The following RGSL1 variants were observed in gnomAD, a reference collection of about 807,000 sequenced individuals.
RGSL1 encodes the protein regulator of G protein signaling like 1, also known as regulator of G protein signaling protein-like.
Under a neutral mutation model 124.7 loss-of-function variants are expected in RGSL1, and 97 were observed. The observed-to-expected ratio is 0.78, with a 90% confidence interval of 0.66 to 0.92. The LOEUF is 0.92. RGSL1 is among the 40% of genes least tolerant of loss of function. The pLI is 0.00. For missense variants in RGSL1, 1,233 were observed against 1,288.4 expected (o/e 0.96, Z 0.66); for synonymous variants, 424 against 438.1 (o/e 0.97, Z 0.40).
At chr1:182,483,399 C>T (rs1435110945) in intron 6 of RGSL1, among the ~76,000 whole-genome samples, 1 of 152,044 alleles carries the variant, frequency 6.6e-6, no homozygotes, top group Non-Finnish European at 1.5e-5. Flanking sequence ...TAAATTTCTA[C>T]AGGTTTTTGT....
chr1:182,540,380 C>A lies in RGSL1; in HGVS notation c.2628C>A (p.Asn876Lys), dbSNP rs1267631413. Residue 876 changes from asparagine (N) to lysine (K), a missense_variant, in exon 15 of 22, where the codon AAC becomes AAA. Coordinates refer to ENST00000294854, the MANE Select transcript of RGSL1 (RefSeq NM_001137669.2). The part of the protein sequence containing the change: ...RIFGHRIITV[N>K]FAINDLYFFS... ...TTGGCCACAGGATTATCACTGTCAA[C>A]TTTGCGATCAATGATCTATATTTCT... The A allele has an allele frequency of 2.6e-6, 4 of 1,551,116 alleles. No homozygotes were observed. The highest frequency in any genetic ancestry group is 1.2e-5 in the South Asian group (1 of 83,994).
At chr1:182,455,236 G>A (rs1298698647) in intron 2 of RGSL1, among the ~76,000 whole-genome samples, 1 of 152,182 alleles carries the variant, frequency 6.6e-6, no homozygotes, top group African/African-American at 2.4e-5. Context: ...AAGACAAGGA[G>A]GTACTTGACA....
At chr1:182,518,830 AT>A (rs1256813393) in intron 9 of RGSL1, among the ~76,000 whole-genome samples, 2 of 144,830 alleles carry the variant, frequency 1.4e-5, no homozygotes, top group East Asian at 4.5e-4. Context: ...GTTCCAGGAT[AT>A]TTCTGGCAAA....
chr1:182,460,607 T>TGCTCTC, intron 4 of RGSL1: 1 of 454,894 alleles, frequency 2.2e-6, no homozygotes, highest in Non-Finnish European at 4.4e-6. Flanking sequence ...CTTTTGCTCT[T>TGCTCTC]GCTCTCTTCC....
chr1:182,465,422 T>A (rs1318622730), intron 4 of RGSL1, among the ~76,000 whole-genome samples: 2 of 137,744 alleles, frequency 1.5e-5, no homozygotes, highest in Non-Finnish European at 3.0e-5. Context: ...ATGAGAACAC[T>A]TGGACACAGG....
chr1:182,517,532 T>G (rs922482955), intron 9 of RGSL1, among the ~76,000 whole-genome samples: 3 of 152,134 alleles, frequency 2.0e-5, no homozygotes, highest in Non-Finnish European at 2.9e-5. Context: ...TGAGATCACT[T>G]TCTATATCTT....
intron 9 of RGSL1, among the ~76,000 whole-genome samples, chr1:182,499,415 C>T (rs1264230777): frequency 6.6e-6 from 1 of 152,136 alleles, no homozygotes; most frequent in Admixed American, 6.5e-5. Flanking sequence ...TGAACCTTTA[C>T]CATTATGTGA....
intron 4 of RGSL1, 21 bp from the exon 5 acceptor site, chr1:182,472,375 C>T (rs1020195657): frequency 2.6e-6 from 4 of 1,539,270 alleles, no homozygotes; most frequent in Non-Finnish European, 3.5e-6. Context: ...TAGCTCTGTG[C>T]CTCTTCTGTC....
Position 182,460,116 on chromosome 1 carries a change from T to C in RGSL1, c.284T>C (p.Ile95Thr). 1.3e-6 allele frequency: 2 copies of C among 1,551,370 alleles called. No individual in the cohort carries two copies. The highest frequency in any genetic ancestry group is 2.4e-5 in the South Asian group (2 of 84,036). Residue 95 changes from isoleucine to threonine, a missense_variant, in exon 4 of 22, where the codon ATT becomes ACT. By Grantham distance (89) the Ile-to-Thr change is moderately conservative. Coordinates refer to ENST00000294854, the MANE Select transcript of RGSL1 (RefSeq NM_001137669.2). ...YILCQEFISF[I>T]KSPEGGEELV... Reference sequence around the variant, plus strand: ...CTCTGTCAGGAGTTCATCAGTTTCATTAAGTCCCCAGAAGGAGGTAAGCAT... The same window carrying C: ...CTCTGTCAGGAGTTCATCAGTTTCACTAAGTCCCCAGAAGGAGGTAAGCAT...
At chr1:182,480,971 G>A (rs543516776) in intron 6 of RGSL1, among the ~76,000 whole-genome samples, 2 of 152,206 alleles carry the variant, frequency 1.3e-5, no homozygotes, top group African/African-American at 4.8e-5. Flanking sequence ...TACTAAGATG[G>A]ATGTTTATAG....
At chr1:182,451,952 T>C (rs1186947869) in intron 1 of RGSL1, among the ~76,000 whole-genome samples, 1 of 151,732 alleles carries the variant, frequency 6.6e-6, no homozygotes, top group African/African-American at 2.4e-5. Context: ...CCCCATTGCA[T>C]GTAGGGACAT....
chr1:182,518,636 T>C (rs1475624661), intron 9 of RGSL1, among the ~76,000 whole-genome samples: 1 of 152,178 alleles, frequency 6.6e-6, no homozygotes, highest in Non-Finnish European at 1.5e-5. Context: ...AGAAGCTGCT[T>C]TTAAACCTCA....
intron 15 of RGSL1, among the ~76,000 whole-genome samples, chr1:182,546,877 C>T (rs1660245037): frequency 4.6e-5 from 7 of 152,096 alleles, no homozygotes; most frequent in Admixed American, 4.6e-4. Flanking sequence ...AGCAACACAC[C>T]TCCTGGTACA....
At chr1:182,460,431 T>C (rs1652725637) in intron 4 of RGSL1, among the ~76,000 whole-genome samples, 1 of 152,198 alleles carries the variant, frequency 6.6e-6, no homozygotes, top group African/African-American at 2.4e-5. Context: ...CTGGGCTGTT[T>C]ATCTCACTGT....
chr1:182,457,791 T>A (rs769453428), intron 2 of RGSL1, among the ~76,000 whole-genome samples: 1 of 152,208 alleles, frequency 6.6e-6, no homozygotes, highest in Non-Finnish European at 1.5e-5. Flanking sequence ...CTCTTTTCCA[T>A]GACAAAAGGG....
chr1:182,453,806 G>A (rs1410013669), intron 1 of RGSL1, among the ~76,000 whole-genome samples, 152 bp from the exon 2 acceptor site: 1 of 152,170 alleles, frequency 6.6e-6, no homozygotes, highest in Non-Finnish European at 1.5e-5. Flanking sequence ...GAGTCCTGGA[G>A]AAGGACATGC....
In RGSL1 at chr1:182,473,647, A is replaced by G. The variant is rs768739926; in HGVS notation, c.536A>G (p.Gln179Arg). The G allele has an allele frequency of 2.0e-5, 31 of 1,551,530 alleles. No homozygotes were observed. The highest frequency in any genetic ancestry group is 2.7e-5 in the Non-Finnish European group (31 of 1,146,938). ...TTRREILSHM[Q>R]KVALFKLQSY... is the part of the protein sequence containing the mutation. ...AGGAGGGAGATCCTGAGCCACATGC[A>G]GAAAGTGGCTCTGTTCAAACTCCAG... Residue 179 changes from glutamine to arginine, a missense_variant, in exon 6 of 22, where the codon CAG becomes CGG. By Grantham distance (43) the Gln-to-Arg change is conservative. Transcript: ENST00000294854.
chr1:182,487,304 C>T (rs1268777720), intron 6 of RGSL1, among the ~76,000 whole-genome samples: 1 of 152,128 alleles, frequency 6.6e-6, no homozygotes, highest in Non-Finnish European at 1.5e-5. Context: ...ACAAAATAAT[C>T]CCCAGATTAC....
At chr1:182,527,921 A>G in intron 11 of RGSL1, 149 bp downstream of exon 11, 1 of 586,220 alleles carries the variant, frequency 1.7e-6, no homozygotes, top group South Asian at 2.8e-5. Context: ...TTAAGAGGGT[A>G]GGCAAAAGCA....
Sources: allele counts gnomAD v4.1 joint callset (sites outside exome capture counted in the v4.1 genomes callset), GRCh38; gene constraint gnomAD v4.1.1; transcripts MANE v1.5; gene names NCBI Gene and HGNC (gene_info 2026-07-23, HGNC 2026-07-21).